DDAH1: variants seen among roughly 807,000 people sequenced by gnomAD.
DDAH1 encodes N(G),N(G)-dimethylarginine dimethylaminohydrolase 1.
A neutral mutation model predicts 28.8 loss-of-function variants in DDAH1; 19 were observed. The ratio of observed to expected loss-of-function variants is 0.66; its 90% CI spans 0.46 to 0.97. DDAH1 has a LOEUF of 0.97. Ranked by LOEUF, DDAH1 falls within the 50% of genes least tolerant of loss-of-function variation. The probability of loss-of-function intolerance (pLI) is 0.00; values close to 1 mark genes in which losing one functional copy is unlikely to be tolerated. For synonymous variants in DDAH1, 153 were observed against 154.4 expected (o/e 0.99, Z 0.07); for missense variants, 326 against 375.9 (o/e 0.87, Z 1.10).
intron 1 of DDAH1, among the ~76,000 whole-genome samples, chr1:85,387,588 G>A (rs952892668): frequency 6.6e-6 from 1 of 152,118 alleles, no homozygotes; most frequent in South Asian, 2.1e-4. Flanking sequence ...CAGGAGTCTG[G>A]TCACAACCAA....
At chr1:85,511,924 A>G (rs945522725) in intron 1 of DDAH1, among the ~76,000 whole-genome samples, 3 of 152,220 alleles carry the variant, frequency 2.0e-5, no homozygotes, top group African/African-American at 7.2e-5. Context: ...AGAGGTACAA[A>G]GAGGAGCTAG....
intron 1 of DDAH1, among the ~76,000 whole-genome samples, chr1:85,359,777 A>G (rs560990944): frequency 6.6e-6 from 1 of 152,214 alleles, no homozygotes; most frequent in Admixed American, 6.5e-5. Flanking sequence ...TTGAAAATAA[A>G]TTTCAGGAAT....
chr1:85,570,368 A>ACACACACC (rs1392178717), intron 1 of DDAH1, among the ~76,000 whole-genome samples: 84 of 142,376 alleles, frequency 5.9e-4, no homozygotes, highest in Admixed American at 1.0e-3. Context: ...ACACTGTCAC[A>ACACACACC]CACACACACA....
chr1:85,415,414 G>A (rs995148173), intron 1 of DDAH1, among the ~76,000 whole-genome samples: 2 of 152,178 alleles, frequency 1.3e-5, no homozygotes, highest in African/African-American at 4.8e-5. Context: ...TTACAAGCCA[G>A]CTCTACTTCT....
rs145341356 is a variant in DDAH1, at chr1:85,408,819, C to T, written c.304-49972G>A. 1.4e-4 allele frequency among the ~76,000 whole-genome samples: 22 copies of T among 152,268 alleles called. No individual in the cohort carries two copies. The East Asian group carries it at 4.2e-3, about 29-fold the overall frequency. ...ATGAATGGGCTTGTTACACTGGATG[C>T]TAAAATCCAAGTAGTAAGACGAATA... On this transcript the variant is annotated intron_variant, in intron 1 of 5. Coordinates refer to ENST00000284031, the MANE Select transcript of DDAH1 (RefSeq NM_012137.4).
At chr1:85,454,884 A>G (rs1265528691) in intron 1 of DDAH1, among the ~76,000 whole-genome samples, 1 of 152,180 alleles carries the variant, frequency 6.6e-6, no homozygotes, top group African/African-American at 2.4e-5. Flanking sequence ...CTCAGAGATT[A>G]GGGAGGCCGA....
chr1:85,402,819 G>C (rs1457504738), intron 1 of DDAH1, among the ~76,000 whole-genome samples: 1 of 150,194 alleles, frequency 6.7e-6, no homozygotes, highest in Non-Finnish European at 1.5e-5. Flanking sequence ...TGAGACAGGA[G>C]AATGGCGTGA....
intron 1 of DDAH1, among the ~76,000 whole-genome samples, chr1:85,544,742 C>A (rs1193697363): frequency 6.6e-6 from 1 of 152,152 alleles, no homozygotes; most frequent in African/African-American, 2.4e-5. Context: ...TTTTAACTAC[C>A]TGGGCACAGT....
chr1:85,321,621 C>T, intron 5 of DDAH1, 53 bp from the exon 6 acceptor site: 3 of 1,332,492 alleles, frequency 2.3e-6, no homozygotes, highest in South Asian at 1.2e-5. Context: ...TTTTACCATC[C>T]TCAGAAGTGG....
chr1:85,324,974 C>A, intron 4 of DDAH1, 91 bp from the exon 5 acceptor site: 1 of 1,489,158 alleles, frequency 6.7e-7, no homozygotes, highest in Non-Finnish European at 9.1e-7. Context: ...AAGCTTGGAA[C>A]TGACACTTTA....
chr1:85,570,499 G>C (rs1418915269), intron 1 of DDAH1, among the ~76,000 whole-genome samples: 2 of 152,056 alleles, frequency 1.3e-5, no homozygotes, highest in Non-Finnish European at 2.9e-5. Flanking sequence ...GCCTCAGACT[G>C]CCCGTGGCAA....
At chr1:85,490,463 A>G (rs1656353534) in intron 2 of DDAH1, among the ~76,000 whole-genome samples, 2 of 152,218 alleles carry the variant, frequency 1.3e-5, no homozygotes, top group South Asian at 4.1e-4. Context: ...ACTGGAGACA[A>G]GGGCAAACAG....
chr1:85,508,037 A>G (rs1657085664), intron 1 of DDAH1, among the ~76,000 whole-genome samples: 1 of 152,202 alleles, frequency 6.6e-6, no homozygotes, highest in Non-Finnish European at 1.5e-5. Context: ...GGAACATAAT[A>G]CAAATTTGTC....
upstream of DDAH1, chr1:85,465,204 A>T (rs182328457): frequency 8.9e-7 from 1 of 1,127,160 alleles, no homozygotes; most frequent in Admixed American, 4.9e-5. Flanking sequence ...TGCCCGCGCG[A>T]CTGAGCATGC....
At chr1:85,400,086 A>G (rs1469212243) in intron 1 of DDAH1, 1 of 151,840 alleles carries the variant, frequency 6.6e-6, no homozygotes, top group African/African-American at 2.4e-5. Flanking sequence ...AAAAACCTTG[A>G]GCTCACTGGC....
intron 1 of DDAH1, among the ~76,000 whole-genome samples, chr1:85,397,666 A>G (rs1357508663): frequency 1.3e-5 from 2 of 152,226 alleles, no homozygotes; most frequent in African/African-American, 4.8e-5. Context: ...TGCTCTCTGT[A>G]TTACACAATA....
chr1:85,492,185 G>T (rs1478636679), intron 2 of DDAH1, among the ~76,000 whole-genome samples: 1 of 152,116 alleles, frequency 6.6e-6, no homozygotes, highest in African/African-American at 2.4e-5. Flanking sequence ...TCTTTTGAAT[G>T]TCCTATGATG....
intron 2 of DDAH1, among the ~76,000 whole-genome samples, chr1:85,357,796 C>A (rs766124418): frequency 2.6e-5 from 4 of 152,004 alleles, no homozygotes; most frequent in Non-Finnish European, 5.9e-5. Context: ...ATTTGGGGAC[C>A]CAGATTTTAC....
At chr1:85,463,516 A>G (rs1313194419) in intron 1 of DDAH1, among the ~76,000 whole-genome samples, 1 of 152,230 alleles carries the variant, frequency 6.6e-6, no homozygotes, top group African/African-American at 2.4e-5. Flanking sequence ...TGTGGCAAAG[A>G]CATCAAAGGG....
Sources: allele counts gnomAD v4.1 joint callset (sites outside exome capture counted in the v4.1 genomes callset), GRCh38; gene constraint gnomAD v4.1.1; transcripts MANE v1.5; gene names NCBI Gene and HGNC (gene_info 2026-07-23, HGNC 2026-07-21).